Variants in WDR19 observed in about 807,000 individuals in gnomAD.
WDR19 encodes WD repeat-containing protein 19.
Under a neutral mutation model 180.0 loss-of-function variants are expected in WDR19, and 121 were observed. That is an observed-to-expected ratio of 0.67 (90% CI 0.58 to 0.78). WDR19 has a LOEUF of 0.78. WDR19 is among the 30% of genes least tolerant of loss of function. The pLI is 0.00. For synonymous variants in WDR19, 497 were observed against 540.7 expected (o/e 0.92, Z 1.12); for missense variants, 1,450 against 1,640.7 (o/e 0.88, Z 2.01).
intron 36 of WDR19, 128 bp downstream of exon 36, chr4:39,278,791 C>T (rs898350189): frequency 4.1e-5 from 19 of 468,928 alleles, no homozygotes; most frequent in Non-Finnish European, 6.8e-5. Context: ...AACAATCTGA[C>T]AACCACCTTT....
At chr4:39,192,435 G>A (rs1351557953) in intron 4 of WDR19, among the ~76,000 whole-genome samples, 1 of 152,124 alleles carries the variant, frequency 6.6e-6, no homozygotes, top group Non-Finnish European at 1.5e-5. Flanking sequence ...AGGTTGGGAA[G>A]AAGTGTCTTA....
intron 20 of WDR19, among the ~76,000 whole-genome samples, chr4:39,235,121 A>C (rs1731249092): frequency 6.6e-6 from 1 of 152,008 alleles, no homozygotes; most frequent in South Asian, 2.1e-4. Flanking sequence ...TAGAATCTAA[A>C]TGTTATTATT....
intron 9 of WDR19, 81 bp downstream of exon 9, chr4:39,205,817 G>T: frequency 7.9e-7 from 1 of 1,266,506 alleles, no homozygotes; most frequent in Non-Finnish European, 1.1e-6. Context: ...TAGCTAATAT[G>T]AATCTGGCAA....
intron 6 of WDR19, 113 bp downstream of exon 6, chr4:39,199,706 A>T (rs1395292299): frequency 6.4e-6 from 5 of 778,636 alleles, no homozygotes. Flanking sequence ...TGAGGTATAT[A>T]TGTGTGTGTG....
At chr4:39,244,646 G>C (rs932723518) in intron 23 of WDR19, 94 bp downstream of exon 23, 8 of 1,343,134 alleles carry the variant, frequency 6.0e-6, no homozygotes, top group Admixed American at 1.8e-5. Context: ...CTTTCTCTCT[G>C]TCCATTCTGT....
rs762298152 is a variant in WDR19 at position 39,281,236 on chromosome 4, T to TATAGAGAGAGAGAGAG, written c.*13+2574_*13+2575insTAGAGAGAGAGAGAGA. Among the ~76,000 whole-genome samples, 490 of 103,748 alleles carry TATAGAGAGAGAGAGAG rather than the reference T, an allele frequency of 4.7e-3. 1 individual carries two copies. The highest frequency in any genetic ancestry group is 6.8e-3 in the East Asian group (27 of 3,968). The allele number at this position is 103,748 out of a possible 152,430, so 68.1% of individuals were successfully genotyped here. On this transcript the variant is annotated intron_variant, in intron 36 of 36. Coordinates refer to ENST00000399820, the MANE Select transcript of WDR19 (RefSeq NM_025132.4). ...GTGTGTATATATATATATATATATA[T>TATAGAGAGAGAGAGAG]AGAGAGAGAGAGAGAGAGAGAGAGA...
chr4:39,203,278 T>C (rs940378946), intron 6 of WDR19, among the ~76,000 whole-genome samples: 1 of 152,038 alleles, frequency 6.6e-6, no homozygotes, highest in African/African-American at 2.4e-5. Flanking sequence ...AATTAAATTA[T>C]TGAAATGAAC....
At position 39,218,086 on chromosome 4, in the gene WDR19, T is replaced by G. The variant is rs1729265544; in HGVS notation, c.1460T>G (p.Phe487Cys). 6.2e-6 allele frequency: 10 copies of G among 1,613,914 alleles called. No homozygotes were observed. Among genetic ancestry groups the G allele is most frequent in the Non-Finnish European group, 8.5e-6 (10 of 1,179,818 alleles). ...TTATGCCATGCCTTAACTAGTGATT[T>G]CCTCATCTATGGTACAGATGTATGT... ...RILCHALTSD[F>C]LIYGTDTGVV... The change falls in exon 14 of 37, where the codon TTC (phenylalanine) becomes TGC (cysteine). Residue 487 changes from phenylalanine (F) to cysteine (C), a missense_variant. Transcript: ENST00000399820.
At chr4:39,242,939 A>C (rs1434088417) in intron 21 of WDR19, among the ~76,000 whole-genome samples, 1 of 152,142 alleles carries the variant, frequency 6.6e-6, no homozygotes, top group Non-Finnish European at 1.5e-5. Context: ...AAGTGCTGGG[A>C]TAATAGGCTT....
At chr4:39,248,315 C>T (rs1001030339) in intron 24 of WDR19, among the ~76,000 whole-genome samples, 61 of 152,290 alleles carry the variant, frequency 4.0e-4, no homozygotes, top group Non-Finnish European at 7.4e-4. Context: ...GAGATGTTGT[C>T]ACCACCAGGC....
Position 39,267,993 on chromosome 4 carries a change from A to G in WDR19, c.3262-2A>G, listed in dbSNP as rs753291151. On this transcript the variant is annotated splice_acceptor_variant, in intron 29 of 36. Transcript: ENST00000399820. LOFTEE classifies it high-confidence loss of function. ...ATGTTTCTATAATGGTTTATGTGTC[A>G]GGATGCCAAGTACCTGTTCCGCTTG... 10 of 1,598,240 alleles carry G rather than the reference A, an allele frequency of 6.3e-6. No homozygotes were observed. In the East Asian group the frequency reaches 2.3e-4, roughly 36 times the overall value.
intron 29 of WDR19, among the ~76,000 whole-genome samples, chr4:39,266,960 A>C (rs373121411): frequency 6.6e-6 from 1 of 152,188 alleles, no homozygotes; most frequent in African/African-American, 2.4e-5. Flanking sequence ...GCATGCGCCT[A>C]TAGTCCTAGC....
intron 9 of WDR19, among the ~76,000 whole-genome samples, chr4:39,214,023 T>C (rs976252437): frequency 1.3e-5 from 2 of 152,218 alleles, no homozygotes; most frequent in Non-Finnish European, 2.9e-5. Flanking sequence ...ATGTTACAAC[T>C]ATTAGTTCCC....
intron 24 of WDR19, 141 bp downstream of exon 24, chr4:39,245,593 T>C: frequency 1.3e-6 from 1 of 772,168 alleles, no homozygotes; most frequent in Non-Finnish European, 2.1e-6. Context: ...TGGCCTGAAG[T>C]GCCAGACTAT....
chr4:39,243,801 T>A (rs61691409), intron 21 of WDR19, among the ~76,000 whole-genome samples: 51,550 of 152,058 alleles, frequency 0.34, 8,905 homozygotes, highest in African/African-American at 0.39. Flanking sequence ...ATTTGATAAG[T>A]TTCTTTAGCT....
chr4:39,212,282 G>A (rs1225609330), intron 9 of WDR19, among the ~76,000 whole-genome samples: 6 of 151,004 alleles, frequency 4.0e-5, no homozygotes, highest in Non-Finnish European at 7.4e-5. Context: ...ATCCACAAAT[G>A]AAAAAAAAAT....
intron 28 of WDR19, among the ~76,000 whole-genome samples, chr4:39,261,893 G>A (rs1734327143): frequency 6.6e-6 from 1 of 151,716 alleles, no homozygotes; most frequent in Admixed American, 6.6e-5. Flanking sequence ...ACTTATTGCT[G>A]GGATTACTTC....
At chr4:39,274,508 G>A (rs1398361662) in intron 32 of WDR19, 5 of 322,790 alleles carry the variant, frequency 1.5e-5, no homozygotes, top group Non-Finnish European at 2.3e-5. Context: ...CCTGTCAGAT[G>A]CAAAAAATAT....
chr4:39,266,003 C>A, intron 28 of WDR19, 60 bp from the exon 29 acceptor site: 1 of 1,396,942 alleles, frequency 7.2e-7, no homozygotes, highest in Non-Finnish European at 9.9e-7. Flanking sequence ...TTGTCTTTTT[C>A]TCCACTCTTG....
Sources: allele counts gnomAD v4.1 joint callset (sites outside exome capture counted in the v4.1 genomes callset), GRCh38; gene constraint gnomAD v4.1.1; transcripts MANE v1.5; gene names NCBI Gene and HGNC (gene_info 2026-07-23, HGNC 2026-07-21).